ADCY8: variants seen among roughly 807,000 people sequenced by gnomAD.
ADCY8 encodes the protein adenylate cyclase 8.
A neutral mutation model predicts 119.7 loss-of-function variants in ADCY8; 51 were observed. The observed-to-expected ratio is 0.43, with a 90% CI of 0.34 to 0.54. The LOEUF (loss-of-function observed/expected upper bound fraction) is 0.54, where lower values mean the gene tolerates loss of function less well. ADCY8 is among the 20% of genes least tolerant of loss of function. The pLI is 0.03. For synonymous variants in ADCY8, 665 were observed against 651.0 expected, an observed-to-expected ratio of 1.02 and a Z score of -0.33; for missense variants, 1,383 against 1,598.8, an observed-to-expected ratio of 0.87 and a Z score of 2.30.
At position 130,849,756 on chromosome 8, in the gene ADCY8, G is replaced by C; in HGVS notation, c.2258C>G (p.Ser753Trp). The C allele has an allele frequency of 2.2e-5, 35 of 1,613,680 alleles. No individual in the cohort carries two copies. Among genetic ancestry groups the C allele is most frequent in the Non-Finnish European group, 2.9e-5 (34 of 1,179,806 alleles). The change falls in exon 10 of 18, where the codon TCG becomes TGG. Residue 753 changes from serine to tryptophan, a missense_variant. Transcript: ENST00000286355. The part of the protein sequence containing the change: ...IQFSILIMLH[S>W]ALVLITTAED... ...TGCTGTGGTGATGAGGACCAGAGCC[G>C]AGTGCAGCATAATCAGAATGGAGAA...
At chr8:130,910,026 G>A (rs750656707) in intron 5 of ADCY8, among the ~76,000 whole-genome samples, 160 bp from the exon 6 acceptor site, 2 of 149,942 alleles carry the variant, frequency 1.3e-5, no homozygotes, top group East Asian at 2.0e-4. Flanking sequence ...CCGGGTTCAC[G>A]CTATTCTCCT....
At chr8:130,876,714 G>T (rs1049625280) in intron 8 of ADCY8, among the ~76,000 whole-genome samples, 2 of 143,244 alleles carry the variant, frequency 1.4e-5, no homozygotes, top group African/African-American at 5.8e-5. Context: ...TGTGTGTGTA[G>T]GGGGGCAGGG....
chr8:130,833,054 C>T (rs113066573), intron 12 of ADCY8, among the ~76,000 whole-genome samples: 80 of 152,300 alleles, frequency 5.3e-4, no homozygotes, highest in African/African-American at 1.7e-3. Flanking sequence ...TCATACATAT[C>T]TTTGCCCTCT....
chr8:130,866,486 C>T (rs1818128581), intron 9 of ADCY8, among the ~76,000 whole-genome samples: 1 of 152,142 alleles, frequency 6.6e-6, no homozygotes, highest in African/African-American at 2.4e-5. Context: ...CTACTATATT[C>T]TTGCACAAGC....
chr8:130,795,932 A>G (rs1017653297), intron 15 of ADCY8, among the ~76,000 whole-genome samples: 4 of 152,164 alleles, frequency 2.6e-5, no homozygotes, highest in African/African-American at 9.7e-5. Context: ...ACAGGTCTTC[A>G]GCCTTGGATC....
chr8:130,807,769 G>C (rs1816013901), intron 14 of ADCY8, among the ~76,000 whole-genome samples: 2 of 151,810 alleles, frequency 1.3e-5, no homozygotes, highest in Middle Eastern at 3.4e-3. Context: ...CGGATCACGA[G>C]GTCAGGAGAT....
intron 6 of ADCY8, among the ~76,000 whole-genome samples, chr8:130,905,169 A>G (rs1416696676): frequency 6.6e-6 from 1 of 152,228 alleles, no homozygotes; most frequent in Non-Finnish European, 1.5e-5. Context: ...CTATAAAAGC[A>G]AATATGTAAG....
intron 16 of ADCY8, among the ~76,000 whole-genome samples, 192 bp from the exon 17 acceptor site, chr8:130,783,997 G>T (rs1024226486): frequency 4.6e-5 from 7 of 152,180 alleles, no homozygotes; most frequent in Admixed American, 3.9e-4. Context: ...AGATTTGCTT[G>T]CAAGAGTGTA....
intron 7 of ADCY8, chr8:130,892,607 A>T (rs1819227125): frequency 6.6e-6 from 1 of 152,096 alleles, no homozygotes; most frequent in African/African-American, 2.4e-5. Flanking sequence ...ATCCAAGCAC[A>T]ATCCTGGGCT....
chr8:130,913,499 G>A (rs1820041585), intron 5 of ADCY8, among the ~76,000 whole-genome samples: 1 of 151,136 alleles, frequency 6.6e-6, no homozygotes, highest in African/African-American at 2.4e-5. Flanking sequence ...GAGGTAATAT[G>A]TGTCACTTCT....
chr8:130,784,079 C>T (rs970764275), intron 16 of ADCY8, among the ~76,000 whole-genome samples: 1 of 151,846 alleles, frequency 6.6e-6, no homozygotes, highest in African/African-American at 2.4e-5. Flanking sequence ...GCATCAATTC[C>T]GTAGTGTATG....
chr8:130,937,044 C>A, intron 5 of ADCY8, 29 bp downstream of exon 5: 1 of 1,593,988 alleles, frequency 6.3e-7, no homozygotes, highest in Non-Finnish European at 8.6e-7. Flanking sequence ...ATTGAAGACC[C>A]AGGTAACATG....
In ADCY8 at chr8:131,040,319, A is replaced by G. The variant is rs748561674; in HGVS notation, c.15T>C (p.Asp5=). 1.3e-6 allele frequency: 2 copies of G among 1,531,528 alleles called. No homozygotes were observed. The highest frequency in any genetic ancestry group is 1.2e-5 in the South Asian group (1 of 82,758). The allele number at this position is 1,531,528 out of a possible 1,614,324, so 94.9% of individuals were successfully genotyped here. MELS[D]VRCLTGSEEL... is the part of the protein sequence containing the mutation. Reference sequence around the variant, plus strand: ...CCTCGCTGCCTGTAAGGCAGCGCACATCGGAGAGCTCCATGGCTCTGGGCC... The same window carrying G: ...CCTCGCTGCCTGTAAGGCAGCGCACGTCGGAGAGCTCCATGGCTCTGGGCC... Residue 5 remains aspartate (D), a synonymous_variant, in exon 1 of 18, where the codon GAT becomes GAC. Transcript: ENST00000286355.
At chr8:130,877,563 T>G (rs1160659336) in intron 8 of ADCY8, among the ~76,000 whole-genome samples, 1 of 152,184 alleles carries the variant, frequency 6.6e-6, no homozygotes, top group Non-Finnish European at 1.5e-5. Flanking sequence ...AAGACAATCT[T>G]TTGCAGGAGC....
chr8:131,010,691 A>G (rs1823272588), intron 1 of ADCY8, among the ~76,000 whole-genome samples: 1 of 152,254 alleles, frequency 6.6e-6, no homozygotes, highest in Non-Finnish European at 1.5e-5. Flanking sequence ...ATGAGGATCT[A>G]TAGTGTCTCA....
intron 6 of ADCY8, among the ~76,000 whole-genome samples, chr8:130,908,502 C>A (rs1282020413): frequency 6.7e-6 from 1 of 149,652 alleles, no homozygotes; most frequent in African/African-American, 2.5e-5. Context: ...GGTGTCCCTG[C>A]ACAGTGTACA....
At chr8:130,872,551 A>C (rs907069355) in intron 8 of ADCY8, among the ~76,000 whole-genome samples, 1 of 152,234 alleles carries the variant, frequency 6.6e-6, no homozygotes, top group African/African-American at 2.4e-5. Context: ...ATTTAAGCCT[A>C]TGTAAATCTT....
chr8:130,821,291 G>A (rs1816499355), intron 13 of ADCY8, 51 bp downstream of exon 13: 1 of 1,511,516 alleles, frequency 6.6e-7, no homozygotes. Flanking sequence ...CAGTTTGATG[G>A]TAACAAGAAA....
chr8:130,851,867 T>C, intron 9 of ADCY8, among the ~76,000 whole-genome samples: 1 of 152,198 alleles, frequency 6.6e-6, no homozygotes, highest in Non-Finnish European at 1.5e-5. Flanking sequence ...GCATGTTTGG[T>C]ACTTGTAGAT....
Sources: allele counts gnomAD v4.1 joint callset (sites outside exome capture counted in the v4.1 genomes callset), GRCh38; gene constraint gnomAD v4.1.1; transcripts MANE v1.5; gene names NCBI Gene and HGNC (gene_info 2026-07-23, HGNC 2026-07-21).